COG5: variants seen among roughly 807,000 people sequenced by gnomAD.
The protein encoded by COG5 is component of oligomeric golgi complex 5.
A neutral mutation model predicts 110.4 loss-of-function variants in COG5; 86 were observed. The ratio of observed to expected loss-of-function variants is 0.78; its 90% CI spans 0.65 to 0.93. The LOEUF (loss-of-function observed/expected upper bound fraction) is 0.93. COG5 is among the 40% of genes least tolerant of loss of function. COG5 has a pLI of 0.00. For missense variants in COG5, 1,077 were observed against 987.0 expected (o/e 1.09, Z -1.22); for synonymous variants, 360 against 334.6 (o/e 1.08, Z -0.83).
At chr7:107,477,375 A>G (rs1797053766) in intron 6 of COG5, among the ~76,000 whole-genome samples, 1 of 151,728 alleles carries the variant, frequency 6.6e-6, no homozygotes, top group East Asian at 1.9e-4. Context: ...TGTGTTTTAA[A>G]TATTTTTACT....
intron 10 of COG5, among the ~76,000 whole-genome samples, chr7:107,352,204 C>T (rs527459783): frequency 2.7e-3 from 389 of 146,262 alleles, no homozygotes; most frequent in Non-Finnish European, 4.5e-3. Context: ...CAAACTATCT[C>T]AAGGACAAAA....
At chr7:107,322,622 T>C (rs1809408957) in intron 11 of COG5, among the ~76,000 whole-genome samples, 1 of 152,186 alleles carries the variant, frequency 6.6e-6, no homozygotes, top group South Asian at 2.1e-4. Context: ...TCACACATTG[T>C]TGATGGAAAT....
chr7:107,266,370 A>C (rs1298916759), intron 14 of COG5, among the ~76,000 whole-genome samples: 1 of 152,198 alleles, frequency 6.6e-6, no homozygotes, highest in Non-Finnish European at 1.5e-5. Flanking sequence ...TACCTGAAGA[A>C]GGCAAATTCT....
chr7:107,548,434 T>A, intron 3 of COG5, 102 bp from the exon 4 acceptor site: 2 of 1,139,156 alleles, frequency 1.8e-6, no homozygotes. Context: ...AATTTTAACT[T>A]TTTTTGTCAC....
rs141553710 is a variant in COG5 at position 107,276,790 on chromosome 7, T to C, written c.1575+4510A>G. ...TGTTCAGTTTAATCATAAAATATTA[T>C]GATATTACACCTATAGGTATATGTG... On this transcript the variant is annotated intron_variant, in intron 14 of 21. Transcript: ENST00000297135. 1.2e-3 allele frequency among the ~76,000 whole-genome samples: 189 copies of C among 152,348 alleles called. 1 individual carries two copies. The highest frequency in any genetic ancestry group is 4.1e-3 in the African/African-American group (172 of 41,590).
At chr7:107,529,024 T>TAAAAAAAAAAAAAAAAAAAAAA (rs58281094) in intron 5 of COG5, among the ~76,000 whole-genome samples, 3 of 97,840 alleles carry the variant, frequency 3.1e-5, no homozygotes, top group African/African-American at 5.0e-5. Context: ...AATACTTAAA[T>TAAAAAAAAAAAAAAAAAAAAAA]AAAAAAAAAA....
intron 10 of COG5, among the ~76,000 whole-genome samples, chr7:107,333,865 C>T (rs1584691343): frequency 6.6e-6 from 1 of 152,184 alleles, no homozygotes; most frequent in East Asian, 1.9e-4. Context: ...TGCCTAATGC[C>T]TAATCTCATA....
intron 6 of COG5, among the ~76,000 whole-genome samples, chr7:107,497,762 T>C (rs923281703): frequency 2.0e-5 from 3 of 152,084 alleles, no homozygotes; most frequent in African/African-American, 7.2e-5. Flanking sequence ...TAAATCCCAA[T>C]GTCATTTTTT....
intron 6 of COG5, among the ~76,000 whole-genome samples, chr7:107,514,899 T>G (rs745368109): frequency 6.6e-5 from 10 of 152,168 alleles, no homozygotes; most frequent in Admixed American, 2.0e-4. Context: ...AGAGACTGGT[T>G]TACCCCATGG....
chr7:107,404,506 C>T (rs1294794851), intron 7 of COG5, among the ~76,000 whole-genome samples: 1 of 152,122 alleles, frequency 6.6e-6, no homozygotes, highest in East Asian at 1.9e-4. Context: ...GCTGTAGCAT[C>T]TGTTCTAACA....
chr7:107,556,663 C>T (rs549260842), intron 2 of COG5, among the ~76,000 whole-genome samples: 65 of 152,324 alleles, frequency 4.3e-4, no homozygotes, highest in African/African-American at 1.5e-3. Flanking sequence ...TTATTTCTGT[C>T]TGTGTCTGCC....
chr7:107,507,469 AT>A (rs10577186), intron 6 of COG5, among the ~76,000 whole-genome samples: 13,427 of 114,030 alleles, frequency 0.12, 968 homozygotes, highest in African/African-American at 0.24. Context: ...AATTTTTTGT[AT>A]TTTTTTTTTT....
chr7:107,438,779 A>G (rs1794521596), intron 6 of COG5, among the ~76,000 whole-genome samples: 1 of 152,210 alleles, frequency 6.6e-6, no homozygotes, highest in Admixed American at 6.5e-5. Context: ...ATGAGAAGGA[A>G]TATAATTTAG....
chr7:107,207,674 G>A (rs1450788754), intron 21 of COG5, among the ~76,000 whole-genome samples: 1 of 152,204 alleles, frequency 6.6e-6, no homozygotes, highest in African/African-American at 2.4e-5. Context: ...TGCATCTGAG[G>A]GAGCACACGT....
chr7:107,553,865 G>T (rs770216471), intron 3 of COG5, among the ~76,000 whole-genome samples: 2 of 152,092 alleles, frequency 1.3e-5, no homozygotes, highest in Non-Finnish European at 2.9e-5. Flanking sequence ...ACACTTACAG[G>T]TGCACTAAAT....
chr7:107,522,792 C>G (rs77708402), intron 6 of COG5, among the ~76,000 whole-genome samples: 5,006 of 152,124 alleles, frequency 0.033, 103 homozygotes, highest in Middle Eastern at 0.061. Context: ...GTTCCTGCAC[C>G]ATCTGTTGAA....
intron 6 of COG5, among the ~76,000 whole-genome samples, chr7:107,415,255 TGAG>T (rs1792636830): frequency 1.3e-5 from 2 of 152,256 alleles, no homozygotes; most frequent in African/African-American, 4.8e-5. Flanking sequence ...TGCACCATGA[TGAG>T]GAGTCAAAGA....
intron 1 of COG5, among the ~76,000 whole-genome samples, chr7:107,562,727 C>T (rs772685161): frequency 6.6e-6 from 1 of 152,152 alleles, no homozygotes; most frequent in Non-Finnish European, 1.5e-5. Flanking sequence ...GACAAAAGTA[C>T]ATAAATTATC....
At chr7:107,258,425 T>TCC in intron 14 of COG5, 42 bp from the exon 15 acceptor site, 2 of 885,590 alleles carry the variant, frequency 2.3e-6, no homozygotes, top group Non-Finnish European at 3.7e-6. Flanking sequence ...AGAATGATAA[T>TCC]TCTCTCTCTC....
Sources: gnomAD v4.1 joint callset for allele counts (sites outside exome capture counted in the v4.1 genomes callset) on GRCh38, gnomAD v4.1.1 for gene constraint, MANE v1.5 for transcripts, NCBI Gene and HGNC (gene_info 2026-07-23, HGNC 2026-07-21) for gene names.